Variants in TNIK observed in about 807,000 individuals in gnomAD.
The protein encoded by TNIK is TRAF2 and NCK-interacting protein kinase.
In TNIK, 49 loss-of-function variants were observed where a neutral mutation model predicts 191.3. That is an observed-to-expected ratio of 0.26 (90% confidence interval 0.20 to 0.32). The LOEUF (loss-of-function observed/expected upper bound fraction) is 0.32. Ranked by LOEUF, TNIK falls within the 10% of genes least tolerant of loss-of-function variation. The probability of loss-of-function intolerance (pLI) is 1.00; values close to 1 mark genes in which losing one functional copy is unlikely to be tolerated. For missense variants in TNIK, 1,155 were observed against 1,702.3 expected, an observed-to-expected ratio of 0.68 and a Z score of 5.66; for synonymous variants, 594 against 600.9, an observed-to-expected ratio of 0.99 and a Z score of 0.17.
At chr3:171,107,978 G>C in intron 20 of TNIK, 87 bp downstream of exon 20, 2 of 1,332,322 alleles carry the variant, frequency 1.5e-6, no homozygotes, top group Non-Finnish European at 2.1e-6. Context: ...ATTTTTGTTT[G>C]CATCATGAGT....
rs551179747 is a variant in TNIK, at chr3:171,138,685, A to G, written c.1420-306T>C. On this transcript the variant is annotated intron_variant, in intron 14 of 32. Coordinates refer to ENST00000436636, the MANE Select transcript of TNIK (RefSeq NM_015028.4). ...GAATTACAAGTGACAAAATGGCAAT[A>G]ATGAGGACATTTAAATGGTCGGCAT... Among the ~76,000 whole-genome samples, 68 of 152,298 alleles carry G rather than the reference A, an allele frequency of 4.5e-4. 1 individual carries two copies. The highest frequency in any genetic ancestry group is 1.6e-3 in the African/African-American group (65 of 41,574).
chr3:171,284,395 C>T (rs1013778342), intron 2 of TNIK, among the ~76,000 whole-genome samples: 1 of 152,112 alleles, frequency 6.6e-6, no homozygotes, highest in African/African-American at 2.4e-5. Flanking sequence ...AATGAGAAAT[C>T]TGGGGCCTTC....
intron 1 of TNIK, among the ~76,000 whole-genome samples, chr3:171,378,435 A>T (rs1018767434): frequency 6.6e-6 from 1 of 152,356 alleles, no homozygotes; most frequent in East Asian, 1.9e-4. Context: ...ATTACTTGAT[A>T]TAATAATTAA....
chr3:171,347,236 A>G, intron 2 of TNIK: 1 of 1,520,728 alleles, frequency 6.6e-7, no homozygotes. Flanking sequence ...AAAAAAAAAA[A>G]GAAAAGAAAA....
intron 2 of TNIK, among the ~76,000 whole-genome samples, chr3:171,337,376 C>A (rs1046750783): frequency 2.0e-5 from 3 of 152,176 alleles, no homozygotes; most frequent in Non-Finnish European, 2.9e-5. Context: ...AGGGAGAAAG[C>A]AAAAGACCTC....
intron 2 of TNIK, among the ~76,000 whole-genome samples, chr3:171,324,716 G>A (rs1755547258): frequency 6.6e-6 from 1 of 152,126 alleles, no homozygotes; most frequent in African/African-American, 2.4e-5. Context: ...TGTTATTGTT[G>A]TTGTTTTTTA....
Position 171,377,132 on chromosome 3 carries a change from G to A in TNIK, c.58-7447C>T, listed in dbSNP as rs563025975. The stretch of plus-strand genomic sequence containing the variant: ...CTGATTCCAGGACACAAACTGCTCC[G>A]ATAGAGCTGTTCCTGGCTAGTGTTG... On this transcript the variant is annotated intron_variant, in intron 1 of 32. Coordinates refer to ENST00000436636, the MANE Select transcript of TNIK (RefSeq NM_015028.4). Among the ~76,000 whole-genome samples the A allele has an allele frequency of 7.9e-5, 12 of 152,264 alleles. No homozygotes were observed. The South Asian group carries it at 1.2e-3, about 16-fold the overall frequency.
At chr3:171,115,026 AAAT>A (rs1245968617) in intron 18 of TNIK, among the ~76,000 whole-genome samples, 2 of 152,234 alleles carry the variant, frequency 1.3e-5, no homozygotes, top group African/African-American at 2.4e-5. Flanking sequence ...ATGCATAATT[AAAT>A]AATTCCAAAA....
chr3:171,342,493 G>A (rs1395115952), intron 2 of TNIK, among the ~76,000 whole-genome samples: 2 of 151,916 alleles, frequency 1.3e-5, no homozygotes, highest in Admixed American at 6.6e-5. Context: ...CAGAAAATGA[G>A]GATTCCTTTC....
intron 2 of TNIK, among the ~76,000 whole-genome samples, chr3:171,292,931 A>G (rs570645117): frequency 1.3e-5 from 2 of 152,232 alleles, no homozygotes; most frequent in East Asian, 1.9e-4. Context: ...TGCCACTCAG[A>G]CAAGAAAGTG....
At chr3:171,382,772 A>G (rs1298658534) in intron 1 of TNIK, among the ~76,000 whole-genome samples, 1 of 152,030 alleles carries the variant, frequency 6.6e-6, no homozygotes, top group Non-Finnish European at 1.5e-5. Flanking sequence ...CTACTGACCC[A>G]CTCTAGGCAT....
Position 171,063,120 on chromosome 3 carries a change from C to A in TNIK, c.*761G>T, listed in dbSNP as rs1041463002. 1 of 152,206 alleles carries A rather than the reference C, an allele frequency of 6.6e-6. No individual in the cohort carries two copies. Among genetic ancestry groups the A allele is most frequent in the South Asian group, 2.1e-4 (1 of 4,832 alleles). The allele number at this position is 152,206 out of a possible 1,614,324, so 9.4% of individuals were successfully genotyped here. ...AATGGCGTTAGTATCCTGTTCAACA[C>A]ACTCCATTCTGTAAAGGGCCATATA... On this transcript the variant is annotated 3_prime_UTR_variant, in exon 33 of 33. Coordinates refer to ENST00000436636, the MANE Select transcript of TNIK (RefSeq NM_015028.4).
intron 1 of TNIK, among the ~76,000 whole-genome samples, chr3:171,445,596 C>T (rs1359155520): frequency 1.3e-5 from 2 of 152,162 alleles, no homozygotes; most frequent in Admixed American, 1.3e-4. Flanking sequence ...GCAGAACTCT[C>T]TACTACCTAC....
At chr3:171,129,574 C>G (rs1267821200) in intron 15 of TNIK, among the ~76,000 whole-genome samples, 1 of 152,134 alleles carries the variant, frequency 6.6e-6, no homozygotes, top group Non-Finnish European at 1.5e-5. Flanking sequence ...TTTCTTCCTC[C>G]CTGTTTCTAC....
intron 2 of TNIK, among the ~76,000 whole-genome samples, chr3:171,367,750 G>A (rs1484197441): frequency 2.0e-5 from 3 of 152,086 alleles, no homozygotes; most frequent in African/African-American, 4.8e-5. Context: ...GATTACAGGC[G>A]TGAGCCACCG....
chr3:171,338,333 AG>A (rs780368937), intron 2 of TNIK, among the ~76,000 whole-genome samples: 1 of 152,148 alleles, frequency 6.6e-6, no homozygotes, highest in Non-Finnish European at 1.5e-5. Flanking sequence ...AATTTTTCCC[AG>A]TTTTCTAGGT....
intron 3 of TNIK, among the ~76,000 whole-genome samples, chr3:171,216,172 G>A (rs1244454979): frequency 1.3e-5 from 2 of 152,148 alleles, no homozygotes; most frequent in Non-Finnish European, 2.9e-5. Flanking sequence ...TGAAGGGATC[G>A]TCACTATGAT....
chr3:171,405,831 A>G (rs1346420005), intron 1 of TNIK, among the ~76,000 whole-genome samples: 2 of 152,232 alleles, frequency 1.3e-5, no homozygotes, highest in East Asian at 3.9e-4. Context: ...TTAGTAAGAC[A>G]CCAAAAGGGT....
chr3:171,209,872 T>C (rs13323220), intron 4 of TNIK, among the ~76,000 whole-genome samples: 7,351 of 152,280 alleles, frequency 0.048, 205 homozygotes, highest in African/African-American at 0.071. Flanking sequence ...ATTCACTGTC[T>C]ATATTCTGTC....
Sources: gnomAD v4.1 joint callset for allele counts (sites outside exome capture counted in the v4.1 genomes callset) on GRCh38, gnomAD v4.1.1 for gene constraint, MANE v1.5 for transcripts, NCBI Gene and HGNC (gene_info 2026-07-23, HGNC 2026-07-21) for gene names.